The following ALDH1A1 variants were observed in gnomAD, a reference collection of about 807,000 sequenced individuals.
The protein encoded by ALDH1A1 is aldehyde dehydrogenase 1A1.
Under a neutral mutation model 62.1 loss-of-function variants are expected in ALDH1A1, and 19 were observed. The ratio of observed to expected loss-of-function variants is 0.31; its 90% CI spans 0.21 to 0.45. The LOEUF is 0.45. ALDH1A1 is among the 20% of genes least tolerant of loss of function. The probability of loss-of-function intolerance (pLI) is 1.00; values close to 1 mark genes in which losing one functional copy is unlikely to be tolerated. For missense variants in ALDH1A1, 521 were observed against 607.1 expected (o/e 0.86, Z 1.49); for synonymous variants, 231 against 215.9 (o/e 1.07, Z -0.61).
chr9:72,951,910 T>C (rs1830547704), intron 1 of ALDH1A1, among the ~76,000 whole-genome samples: 1 of 151,956 alleles, frequency 6.6e-6, no homozygotes, highest in Admixed American at 6.6e-5. Context: ...ACTTCCTCAT[T>C]TGTTGTGCTT....
chr9:72,932,834 C>G (rs1588140996), intron 2 of ALDH1A1, among the ~76,000 whole-genome samples: 1 of 152,338 alleles, frequency 6.6e-6, no homozygotes, highest in South Asian at 2.1e-4. Flanking sequence ...AAAATACATG[C>G]TGGTCTGTGT....
intron 2 of ALDH1A1, among the ~76,000 whole-genome samples, chr9:72,939,165 A>C (rs1830383507): frequency 6.6e-6 from 1 of 152,196 alleles, no homozygotes; most frequent in Non-Finnish European, 1.5e-5. Context: ...TGTCACCTTG[A>C]GTAAATTACT....
At chr9:72,903,893 A>G (rs1200759114) in intron 12 of ALDH1A1, among the ~76,000 whole-genome samples, 1 of 152,122 alleles carries the variant, frequency 6.6e-6, no homozygotes, top group Non-Finnish European at 1.5e-5. Context: ...ACTGCCCTTC[A>G]GAGTAATCTA....
intron 1 of ALDH1A1, among the ~76,000 whole-genome samples, chr9:72,945,441 T>C (rs1830464146): frequency 6.6e-6 from 1 of 151,916 alleles, no homozygotes; most frequent in South Asian, 2.1e-4. Flanking sequence ...AGAATTTCTT[T>C]TAAGATTTTC....
Position 72,909,830 on chromosome 9 carries a change from T to C in ALDH1A1, c.1201-71A>G, listed in dbSNP as rs140270877. The C allele has an allele frequency of 5.4e-4, 730 of 1,345,106 alleles. 7 individuals are homozygous for C. In the East Asian group the frequency reaches 5.7e-3, roughly 11 times the overall value. The allele number at this position is 1,345,106 out of a possible 1,614,324, so 83.3% of individuals were successfully genotyped here. ...AATATTTTAAATGATATCGTAGATT[T>C]TTTTTCCTACACGCTATCCTAAATT... On this transcript the variant is annotated intron_variant, in intron 10 of 12. Coordinates refer to ENST00000297785, the MANE Select transcript of ALDH1A1 (RefSeq NM_000689.5).
chr9:72,911,508 C>G (rs1160954035), intron 10 of ALDH1A1, among the ~76,000 whole-genome samples: 1 of 152,102 alleles, frequency 6.6e-6, no homozygotes, highest in East Asian at 1.9e-4. Context: ...ATTTCCCAAC[C>G]CTCATCCTCC....
chr9:72,905,729 T>C (rs1478778351), intron 12 of ALDH1A1, among the ~76,000 whole-genome samples: 1 of 152,168 alleles, frequency 6.6e-6, no homozygotes, highest in Non-Finnish European at 1.5e-5. Context: ...AGTTGCTTAA[T>C]ATAGTCCCTA....
At chr9:72,937,046 A>T (rs1830354955) in intron 2 of ALDH1A1, among the ~76,000 whole-genome samples, 1 of 152,178 alleles carries the variant, frequency 6.6e-6, no homozygotes, top group South Asian at 2.1e-4. Context: ...CTTCCTGGAC[A>T]TTCTGAGACA....
At chr9:72,951,448 C>T (rs8187869) in intron 1 of ALDH1A1, among the ~76,000 whole-genome samples, 2,476 of 151,500 alleles carry the variant, frequency 0.016, 88 homozygotes, top group African/African-American at 0.057. Flanking sequence ...TTCTGCAAAG[C>T]CAAAGGAGTG....
intron 7 of ALDH1A1, among the ~76,000 whole-genome samples, chr9:72,919,785 T>A (rs1159516024): frequency 1.3e-5 from 2 of 152,202 alleles, no homozygotes; most frequent in Non-Finnish European, 1.5e-5. Context: ...ATGGGATCTG[T>A]GCAGCTACTT....
At chr9:72,924,489 C>T (rs890659985) in intron 6 of ALDH1A1, among the ~76,000 whole-genome samples, 8 of 152,110 alleles carry the variant, frequency 5.3e-5, no homozygotes, top group African/African-American at 1.9e-4. Context: ...TTTATTATTC[C>T]CATCAGCAAA....
chr9:72,900,948 C>A lies in ALDH1A1; in HGVS notation c.*260G>T. 3.6e-6 allele frequency: 1 copy of A among 278,404 alleles called. No individual in the cohort carries two copies. Among genetic ancestry groups the A allele is most frequent in the Non-Finnish European group, 6.7e-6 (1 of 148,280 alleles). The allele number at this position is 278,404 out of a possible 1,614,324, so 17.2% of individuals were successfully genotyped here. On this transcript the variant is annotated 3_prime_UTR_variant, in exon 13 of 13. Transcript: ENST00000297785. ...ACAAAGGAAAATCACATAACTATGA[C>A]AAAGCTAGAGAGATCATACATCCGA...
intron 6 of ALDH1A1, 143 bp downstream of exon 6, chr9:72,925,341 C>A: frequency 1.1e-6 from 1 of 937,944 alleles, no homozygotes; most frequent in Non-Finnish European, 1.5e-6. Flanking sequence ...AAATTGCAGC[C>A]AGCCGTCATG....
intron 6 of ALDH1A1, among the ~76,000 whole-genome samples, chr9:72,924,856 T>C (rs1830184640): frequency 6.6e-6 from 1 of 152,224 alleles, no homozygotes. Context: ...TAAGATTTGG[T>C]AAGATGAAGA....
intron 8 of ALDH1A1, among the ~76,000 whole-genome samples, chr9:72,917,560 G>A (rs1024968826): frequency 3.3e-5 from 5 of 151,846 alleles, no homozygotes; most frequent in African/African-American, 7.3e-5. Context: ...TGATCTTTGT[G>A]GGAAAGAAAA....
At chr9:72,917,791 T>A (rs936455050) in intron 8 of ALDH1A1, among the ~76,000 whole-genome samples, 1 of 152,186 alleles carries the variant, frequency 6.6e-6, no homozygotes, top group Non-Finnish European at 1.5e-5. Flanking sequence ...TAAACAAGAA[T>A]AAAATTTTCT....
At chr9:72,937,941 G>A (rs1424795633) in intron 2 of ALDH1A1, among the ~76,000 whole-genome samples, 2 of 152,058 alleles carry the variant, frequency 1.3e-5, no homozygotes, top group African/African-American at 2.4e-5. Flanking sequence ...GTTGAACTCC[G>A]TACTCCTGTG....
At chr9:72,905,313 T>C (rs1345010925) in intron 12 of ALDH1A1, among the ~76,000 whole-genome samples, 1 of 152,132 alleles carries the variant, frequency 6.6e-6, no homozygotes, top group Non-Finnish European at 1.5e-5. Context: ...AAAAAGTCTA[T>C]ATACCCTAGT....
chr9:72,905,632 C>G (rs576593988), intron 12 of ALDH1A1, among the ~76,000 whole-genome samples: 72 of 152,244 alleles, frequency 4.7e-4, no homozygotes, highest in African/African-American at 1.6e-3. Context: ...GTTTCCACCT[C>G]TTTTCTGGAA....
Sources: gnomAD v4.1 joint callset for allele counts (sites outside exome capture counted in the v4.1 genomes callset) on GRCh38, gnomAD v4.1.1 for gene constraint, MANE v1.5 for transcripts, NCBI Gene and HGNC (gene_info 2026-07-23, HGNC 2026-07-21) for gene names.